The following ABL1 variants were observed in gnomAD, a reference collection of about 807,000 sequenced individuals.
ABL1 encodes the protein ABL proto-oncogene 1, non-receptor tyrosine kinase.
Under a neutral mutation model 94.7 loss-of-function variants are expected in ABL1, and 11 were observed. The observed-to-expected ratio is 0.12, with a 90% CI of 0.07 to 0.19. The LOEUF is 0.19. Ranked by LOEUF, ABL1 falls within the 10% of genes least tolerant of loss-of-function variation. The pLI is 1.00. For synonymous variants in ABL1, 656 were observed against 622.4 expected, an observed-to-expected ratio of 1.05 and a Z score of -0.80; for missense variants, 1,082 against 1,489.4, an observed-to-expected ratio of 0.73 and a Z score of 4.50.
chr9:130,793,471 A>G (rs1346116466), intron 1 of ABL1, among the ~76,000 whole-genome samples: 1 of 152,190 alleles, frequency 6.6e-6, no homozygotes, highest in Non-Finnish European at 1.5e-5. Context: ...CTGTAATTGG[A>G]ACATTCTTCA....
At position 130,880,288 on chromosome 9, in the gene ABL1, C is replaced by A; in HGVS notation, c.1513+131C>A. On this transcript the variant is annotated intron_variant, in intron 9 of 10. Transcript: ENST00000318560. This position sits in a 1 kb window ranked among gnomAD's most constrained non-coding sequence, Gnocchi z 4.4. ...CCTGTCCTGAGACCAGAAAGCTGGG[C>A]AGAGGTGTGGAGTATTGTGCTTTCT... 8.7e-7 allele frequency: 1 copy of A among 1,152,914 alleles called. No homozygotes were observed. Among genetic ancestry groups the A allele is most frequent in the Non-Finnish European group, 1.3e-6 (1 of 781,726 alleles). 71.4% of individuals were successfully genotyped at this position (1,152,914 alleles called of 1,614,324 possible).
chr9:130,779,004 G>A (rs887730668), intron 1 of ABL1, among the ~76,000 whole-genome samples: 3 of 152,164 alleles, frequency 2.0e-5, no homozygotes, highest in Non-Finnish European at 4.4e-5. Context: ...AAACATTTGT[G>A]GCAAATAGGG....
chr9:130,826,451 A>C lies in ABL1; in HGVS notation c.137-27613A>C, dbSNP rs35970039. On this transcript the variant is annotated intron_variant, in intron 1 of 10. Coordinates refer to the ABL1 transcript ENST00000372348. The stretch of plus-strand genomic sequence containing the variant: ...ATATATATACATATTTTAAGTGAAG[A>C]TGTGTAAGGACTAAAGGAGCCCAAA... Among the ~76,000 whole-genome samples, 881 of 152,230 alleles carry C rather than the reference A, an allele frequency of 5.8e-3. 13 individuals are homozygous for C. The highest frequency in any genetic ancestry group is 0.02 in the African/African-American group (819 of 41,538).
At chr9:130,797,485 G>A (rs984000562) in intron 1 of ABL1, among the ~76,000 whole-genome samples, 9 of 151,962 alleles carry the variant, frequency 5.9e-5, no homozygotes, top group East Asian at 1.9e-4. Context: ...AGCGATTCTC[G>A]TGCCTCAGCC....
rs147150641 is a variant in ABL1 at position 130,737,355 on chromosome 9, C to A, written c.136+22900C>A. On this transcript the variant is annotated intron_variant, in intron 1 of 10. Transcript: ENST00000372348. ...TCATCTCAGCTCACTGTAACCTCCA[C>A]CTCCCGAGTTTAAGTGATTCTCCTG... is the stretch of plus-strand genomic sequence containing the variant. 8.1e-3 allele frequency among the ~76,000 whole-genome samples: 1,230 copies of A among 152,238 alleles called. 15 individuals carry two copies. The highest frequency in any genetic ancestry group is 0.028 in the African/African-American group (1,144 of 41,528).
At chr9:130,849,490 C>T (rs938899397) in intron 1 of ABL1, among the ~76,000 whole-genome samples, 13 of 152,134 alleles carry the variant, frequency 8.5e-5, no homozygotes, top group African/African-American at 2.2e-4. Flanking sequence ...TATTATCAAG[C>T]GTTCACACAC....
intron 1 of ABL1, among the ~76,000 whole-genome samples, chr9:130,811,514 T>G (rs1047657638): frequency 2.0e-5 from 3 of 152,154 alleles, no homozygotes; most frequent in Non-Finnish European, 4.4e-5. Context: ...ACAAATATAC[T>G]CTTGTAAGCT....
chr9:130,720,737 C>T (rs1831503856), intron 1 of ABL1, among the ~76,000 whole-genome samples: 1 of 152,074 alleles, frequency 6.6e-6, no homozygotes. Context: ...TCCACGGGGG[C>T]ATTGATTGCA....
chr9:130,805,621 T>G (rs1360110747), intron 1 of ABL1, among the ~76,000 whole-genome samples: 4 of 152,160 alleles, frequency 2.6e-5, no homozygotes, highest in African/African-American at 7.2e-5. Flanking sequence ...TTCAGAGAGA[T>G]AGGAAGGGCC....
At chr9:130,799,986 C>CCT (rs1337231513) in intron 1 of ABL1, among the ~76,000 whole-genome samples, 1 of 151,960 alleles carries the variant, frequency 6.6e-6, no homozygotes, top group African/African-American at 2.4e-5. Flanking sequence ...GATTCTCCTG[C>CCT]CTCAGCCTTC....
Position 130,880,573 on chromosome 9 carries a change from C to A in ABL1, c.1587C>A (p.Pro529=). The change falls in exon 10 of 11, where the codon CCC becomes CCA. Residue 529 remains proline (P), a synonymous_variant. Coordinates refer to ENST00000318560, the MANE Select transcript of ABL1 (RefSeq NM_005157.6). This position sits in a 1 kb window ranked among gnomAD's most constrained non-coding sequence, Gnocchi z 4.4. The part of the protein sequence containing the change: ...VSTLLQAPEL[P]TKTRTSRRAA... ...CCTTGCTGCAGGCCCCAGAGCTGCC[C>A]ACCAAGACGAGGACCTCCAGGAGAG... The A allele has an allele frequency of 6.2e-7, 1 of 1,613,966 alleles. No individual in the cohort carries two copies. Among genetic ancestry groups the A allele is most frequent in the South Asian group, 1.1e-5 (1 of 91,058 alleles).
At position 130,880,691 on chromosome 9, in the gene ABL1, A is replaced by T; in HGVS notation, c.1678+27A>T. 4 of 1,609,450 alleles carry T rather than the reference A, an allele frequency of 2.5e-6. No homozygotes were observed. Among genetic ancestry groups the T allele is most frequent in the Non-Finnish European group, 3.4e-6 (4 of 1,178,214 alleles). ...TAAGTCCCCCGCTTCCCCCAACCCC[A>T]CTGCTCTTCCCTTCCCTGCCAGAGG... On this transcript the variant is annotated intron_variant, in intron 10 of 10. Coordinates refer to ENST00000318560, the MANE Select transcript of ABL1 (RefSeq NM_005157.6). This position sits in a 1 kb window ranked among gnomAD's most constrained non-coding sequence, Gnocchi z 4.4.
In ABL1 at chr9:130,722,460, G is replaced by A. The variant is rs528951662; in HGVS notation, c.136+8005G>A. ...ACTTAATGCTAGGGATTGGATTGTGGCACGTGGACTGTGAAAATGCAAAAT... is the reference window on the plus strand; with the variant it reads ...ACTTAATGCTAGGGATTGGATTGTGACACGTGGACTGTGAAAATGCAAAAT... On this transcript the variant is annotated intron_variant, in intron 1 of 10. Transcript: ENST00000372348. 1.3e-4 allele frequency among the ~76,000 whole-genome samples: 20 copies of A among 152,254 alleles called. No homozygotes were observed. In the East Asian group the frequency reaches 3.9e-3, roughly 29 times the overall value.
chr9:130,817,459 TCTC>T (rs2132871038), intron 1 of ABL1, among the ~76,000 whole-genome samples: 1 of 152,312 alleles, frequency 6.6e-6, no homozygotes, highest in Admixed American at 6.5e-5. Context: ...CTTCCTTTGT[TCTC>T]CTCTGCCTTT....
intron 1 of ABL1, among the ~76,000 whole-genome samples, chr9:130,742,891 T>C (rs1359145895): frequency 6.6e-6 from 1 of 152,036 alleles, no homozygotes; most frequent in Non-Finnish European, 1.5e-5. Flanking sequence ...AAAATGAAAA[T>C]GAAGATGAAA....
At chr9:130,869,612 ACAGAAGAGAC>A (rs1452135906) in intron 4 of ABL1, among the ~76,000 whole-genome samples, 1 of 152,200 alleles carries the variant, frequency 6.6e-6, no homozygotes, top group Non-Finnish European at 1.5e-5. Flanking sequence ...CCTAACAAGC[ACAGAAGAGAC>A]CAGGCTGAAA....
chr9:130,884,883 A>G lies in ABL1; in HGVS notation c.2593A>G (p.Thr865Ala). The change falls in exon 11 of 11, where the codon ACC (threonine) becomes GCC (alanine). Residue 865 changes from threonine (T) to alanine (A), a missense_variant. Transcript: ENST00000318560. The surrounding 1 kb of genome is among the most constrained non-coding windows in gnomAD (Gnocchi z 5.6). ...SKAGSGAPGGTSKGPAEESRV... is the reference protein window; with the variant it reads ...SKAGSGAPGGASKGPAEESRV... ...AGCAGGCTCAGGTGCACCAGGGGGC[A>G]CCAGCAAGGGCCCCGCCGAGGAGTC... 1 of 1,608,830 alleles carries G rather than the reference A, an allele frequency of 6.2e-7. No individual in the cohort carries two copies.
intron 1 of ABL1, among the ~76,000 whole-genome samples, chr9:130,780,013 C>T (rs1340215858): frequency 6.6e-6 from 1 of 152,144 alleles, no homozygotes. Context: ...GGGCCGGGCG[C>T]GGTGGCTCAC....
At chr9:130,715,552 A>G (rs1187217576) in intron 1 of ABL1, among the ~76,000 whole-genome samples, 1 of 152,230 alleles carries the variant, frequency 6.6e-6, no homozygotes, top group African/African-American at 2.4e-5. Context: ...GCCTTGAAAC[A>G]TTAGTTCTAT....
Sources: allele counts gnomAD v4.1 joint callset (sites outside exome capture counted in the v4.1 genomes callset), GRCh38; gene constraint gnomAD v4.1.1; non-coding constraint Gnocchi (gnomAD v3.1); transcripts MANE v1.5; gene names NCBI Gene and HGNC (gene_info 2026-07-23, HGNC 2026-07-21).